The following UNC13C variants were observed in gnomAD, a reference collection of about 807,000 sequenced individuals.
UNC13C encodes the protein protein unc-13 homolog C.
UNC13C carries 174 observed loss-of-function variants against 245.4 expected under a neutral mutation model. The ratio of observed to expected loss-of-function variants is 0.71; its 90% confidence interval spans 0.63 to 0.80. UNC13C has a LOEUF of 0.80. Ranked by LOEUF, UNC13C falls within the 30% of genes least tolerant of loss-of-function variation. The probability of loss-of-function intolerance (pLI) is 0.00; values close to 1 mark genes in which losing one functional copy is unlikely to be tolerated. For missense variants in UNC13C, 2,829 were observed against 2,602.9 expected (o/e 1.09, Z -1.89); for synonymous variants, 992 against 895.1 (o/e 1.11, Z -1.93).
At chr15:54,229,707 C>T (rs1376720983) in intron 4 of UNC13C, among the ~76,000 whole-genome samples, 3 of 152,058 alleles carry the variant, frequency 2.0e-5, no homozygotes, top group Non-Finnish European at 2.9e-5. Flanking sequence ...ACCCTATTTA[C>T]AATAGATCTC....
At chr15:54,294,487 G>A (rs1191473724) in intron 11 of UNC13C, among the ~76,000 whole-genome samples, 2 of 151,896 alleles carry the variant, frequency 1.3e-5, no homozygotes, top group Admixed American at 6.6e-5. Context: ...TTCAAATGAC[G>A]GTATAACAGT....
intron 19 of UNC13C, among the ~76,000 whole-genome samples, chr15:54,447,881 G>A (rs1313025356): frequency 6.6e-6 from 1 of 152,126 alleles, no homozygotes; most frequent in Non-Finnish European, 1.5e-5. Flanking sequence ...GTCAATTTTA[G>A]ATCTTTCCTG....
At chr15:54,090,746 GCT>G (rs1282621343) in intron 2 of UNC13C, among the ~76,000 whole-genome samples, 1 of 152,084 alleles carries the variant, frequency 6.6e-6, no homozygotes, top group Non-Finnish European at 1.5e-5. Context: ...GCATTTAATG[GCT>G]CTTTCTGGAG....
intron 17 of UNC13C, among the ~76,000 whole-genome samples, chr15:54,374,003 G>C (rs545532683): frequency 6.6e-6 from 1 of 152,176 alleles, no homozygotes; most frequent in Non-Finnish European, 1.5e-5. Flanking sequence ...AGAGTGGGTA[G>C]CTCCTATCAT....
downstream of UNC13C, chr15:54,630,391 T>A (rs992687898): frequency 6.6e-6 from 1 of 151,876 alleles, no homozygotes. Flanking sequence ...TGGTCTTTTT[T>A]AAAAACAATG....
chr15:54,498,911 A>C (rs1030656189), intron 20 of UNC13C, among the ~76,000 whole-genome samples: 34 of 152,178 alleles, frequency 2.2e-4, no homozygotes, highest in Non-Finnish European at 8.8e-5. Context: ...GTAGAAATGC[A>C]AAGTGCTTAA....
At chr15:53,839,484 G>T in the UNC13C span, among the ~76,000 whole-genome samples, 40 of 151,828 alleles carry the variant, frequency 2.6e-4, 1 homozygote, top group Non-Finnish European at 5.3e-4. Context: ...GAATGCTTTT[G>T]GTCTTAAAGA....
the UNC13C span, among the ~76,000 whole-genome samples, chr15:53,902,400 T>G: frequency 6.6e-6 from 1 of 152,100 alleles, no homozygotes. Context: ...GAAAGAAGAC[T>G]GATATGGTCA....
rs372367008 is a variant in UNC13C at position 54,052,270 on chromosome 15, T to C, written c.2983+36384T>C. On this transcript the variant is annotated intron_variant, in intron 2 of 32. Transcript: ENST00000260323. ...AGCATGATTTATAGTCCTTTGGGTATATACCCAGTAATGGGATGGCTGGGT... is the reference window on the plus strand; with the variant it reads ...AGCATGATTTATAGTCCTTTGGGTACATACCCAGTAATGGGATGGCTGGGT... 1.1e-3 allele frequency among the ~76,000 whole-genome samples: 143 copies of C among 131,372 alleles called. 2 individuals are homozygous for C. The South Asian group carries it at 0.026, about 24-fold the overall frequency. The allele number at this position is 131,372 out of a possible 152,430, so 86.2% of individuals were successfully genotyped here. A position where few individuals can be genotyped will look rare whatever the true frequency, so the allele number is the denominator to read the frequency against.
chr15:53,848,422 G>A, the UNC13C span, among the ~76,000 whole-genome samples: 1 of 151,910 alleles, frequency 6.6e-6, no homozygotes, highest in Non-Finnish European at 1.5e-5. Context: ...TATGTATTTT[G>A]GACCTTTTCA....
intron 14 of UNC13C, among the ~76,000 whole-genome samples, chr15:54,325,041 C>T (rs2038260013): frequency 6.6e-6 from 1 of 151,866 alleles, no homozygotes; most frequent in Non-Finnish European, 1.5e-5. Context: ...TCTTCTTTTT[C>T]TATTGTGGCT....
intron 19 of UNC13C, among the ~76,000 whole-genome samples, chr15:54,472,809 G>C (rs1892530240): frequency 6.6e-6 from 1 of 151,748 alleles, no homozygotes; most frequent in Non-Finnish European, 1.5e-5. Flanking sequence ...TTCCTTTGCT[G>C]CTTTCAAGGC....
At chr15:53,895,007 A>C in the UNC13C span, among the ~76,000 whole-genome samples, 1 of 152,154 alleles carries the variant, frequency 6.6e-6, no homozygotes, top group Admixed American at 6.6e-5. Context: ...ATAAATATGT[A>C]ATTATCTAGT....
chr15:54,290,878 T>C (rs1025524000), intron 10 of UNC13C, among the ~76,000 whole-genome samples: 9 of 152,080 alleles, frequency 5.9e-5, no homozygotes, highest in Admixed American at 5.9e-4. Context: ...GCATTAGAAC[T>C]CTGTCTTCCA....
chr15:54,581,448 CA>C (rs539678018), intron 30 of UNC13C, among the ~76,000 whole-genome samples: 1 of 152,204 alleles, frequency 6.6e-6, no homozygotes, highest in Non-Finnish European at 1.5e-5. Context: ...AATGTGCCAC[CA>C]ATTCCATTTC....
intron 30 of UNC13C, among the ~76,000 whole-genome samples, chr15:54,578,260 G>T (rs559921403): frequency 2.0e-5 from 3 of 152,162 alleles, no homozygotes; most frequent in Non-Finnish European, 4.4e-5. Flanking sequence ...AGACTAAAAT[G>T]TACATATTTT....
intron 19 of UNC13C, among the ~76,000 whole-genome samples, chr15:54,474,065 A>G (rs1024835450): frequency 2.0e-5 from 3 of 152,036 alleles, no homozygotes; most frequent in Non-Finnish European, 4.4e-5. Flanking sequence ...TTTTTAATCC[A>G]TCTATCCATT....
At chr15:54,523,040 C>A (rs949922747) in intron 24 of UNC13C, among the ~76,000 whole-genome samples, 3 of 152,148 alleles carry the variant, frequency 2.0e-5, no homozygotes, top group Non-Finnish European at 4.4e-5. Context: ...TTTACCTTTA[C>A]AAGGTACCCA....
At chr15:54,462,720 A>T (rs1207200783) in intron 19 of UNC13C, among the ~76,000 whole-genome samples, 2 of 152,194 alleles carry the variant, frequency 1.3e-5, no homozygotes, top group African/African-American at 4.8e-5. Context: ...GCAGCCCGCC[A>T]TGCCTGAGCC....
Sources: allele counts gnomAD v4.1 joint callset (sites outside exome capture counted in the v4.1 genomes callset), GRCh38; gene constraint gnomAD v4.1.1; transcripts MANE v1.5; gene names NCBI Gene and HGNC (gene_info 2026-07-23, HGNC 2026-07-21).